The following SETDB1 variants were observed in gnomAD, a reference collection of about 807,000 sequenced individuals.
SETDB1 encodes histone-lysine N-methyltransferase SETDB1.
A neutral mutation model predicts 137.4 loss-of-function variants in SETDB1; 31 were observed. That is an observed-to-expected ratio of 0.23 (90% CI 0.17 to 0.30). The LOEUF (loss-of-function observed/expected upper bound fraction) is 0.30. SETDB1 is among the 10% of genes least tolerant of loss of function. The pLI, the probability that SETDB1 is intolerant of heterozygous loss-of-function variation, is 1.00. For synonymous variants in SETDB1, 548 were observed against 579.9 expected (o/e 0.95, Z 0.79); for missense variants, 1,113 against 1,631.5 (o/e 0.68, Z 5.47).
rs587755642 is a variant in SETDB1, at chr1:150,939,876, T to G, written c.413-64T>G. ...ATAATGCTTTTGAGTAAGTTAGTTC[T>G]TAATTTCCCAGAAGTTCCTCTGTGT... On this transcript the variant is annotated intron_variant, in intron 3 of 21. Coordinates refer to ENST00000692827, the MANE Select transcript of SETDB1 (RefSeq NM_001366418.1). 9 of 1,240,142 alleles carry G rather than the reference T, an allele frequency of 7.3e-6. No individual in the cohort carries two copies. In the East Asian group the frequency reaches 2.1e-4, roughly 29 times the overall value. 76.8% of individuals were successfully genotyped at this position (1,240,142 alleles called of 1,614,324 possible).
chr1:150,948,563 G>C (rs587601894), intron 10 of SETDB1, among the ~76,000 whole-genome samples: 1 of 152,036 alleles, frequency 6.6e-6, no homozygotes, highest in Non-Finnish European at 1.5e-5. Flanking sequence ...GAGCCACCGC[G>C]CCTGGCCGTT....
At chr1:150,945,142 G>T (rs1300842223) in intron 9 of SETDB1, 34 bp downstream of exon 9, 2 of 1,613,316 alleles carry the variant, frequency 1.2e-6, no homozygotes, top group African/African-American at 2.7e-5. Flanking sequence ...GGAGGCAGAG[G>T]TTGGTGGGGG....
chr1:150,930,228 T>C, intron 3 of SETDB1, 110 bp downstream of exon 3: 2 of 942,920 alleles, frequency 2.1e-6, no homozygotes, highest in East Asian at 2.5e-5. Flanking sequence ...ACTAACTCCA[T>C]ATTTCTAACT....
intron 14 of SETDB1, among the ~76,000 whole-genome samples, chr1:150,955,149 G>T (rs973682255): frequency 6.6e-6 from 1 of 152,228 alleles, no homozygotes; most frequent in East Asian, 1.9e-4. Context: ...TTGCATTGCT[G>T]TATCATGTAT....
chr1:150,949,654 G>A (rs1670439990), intron 12 of SETDB1, 129 bp downstream of exon 12: 1 of 731,418 alleles, frequency 1.4e-6, no homozygotes, highest in Non-Finnish European at 2.2e-6. Flanking sequence ...ACTTGAAAAG[G>A]AAGCTTTACC....
At chr1:150,930,694 C>T (rs1409386057) in intron 3 of SETDB1, among the ~76,000 whole-genome samples, 2 of 151,738 alleles carry the variant, frequency 1.3e-5, no homozygotes, top group Admixed American at 6.6e-5. Flanking sequence ...CCCACCACCA[C>T]ACCCAGCTAA....
At chr1:150,926,329 T>C (rs1669510758), upstream of SETDB1, 2 of 191,044 alleles carry the variant, frequency 1.0e-5, no homozygotes, top group South Asian at 8.1e-5. Flanking sequence ...ACCGTCGCGG[T>C]GACCGGAACG....
chr1:150,937,454 T>C (rs1669980356), intron 3 of SETDB1, among the ~76,000 whole-genome samples: 1 of 152,112 alleles, frequency 6.6e-6, no homozygotes, highest in South Asian at 2.1e-4. Flanking sequence ...CACTGAATTG[T>C]ACACTTAAAA....
Position 150,941,340 on chromosome 1 carries a change from T to C in SETDB1, c.459T>C (p.Ala153=). ...RTPKDQKLRE[A]MAALRKSAQD... ...CCCCTTTTCTACAGCTCCGTGAAGC[T>C]ATGGCTGCCTTAAGAAAGTCAGCTC... is the stretch of plus-strand genomic sequence containing the variant. The change falls in exon 5 of 22, where the codon GCT becomes GCC. Residue 153 remains alanine, a synonymous_variant. Transcript: ENST00000692827. The C allele has an allele frequency of 1.2e-6, 2 of 1,611,154 alleles. No homozygotes were observed. The highest frequency in any genetic ancestry group is 1.7e-6 in the Non-Finnish European group (2 of 1,177,348).
chr1:150,949,555 G>T, intron 12 of SETDB1, 30 bp downstream of exon 12: 1 of 1,606,378 alleles, frequency 6.2e-7, no homozygotes, highest in Non-Finnish European at 8.5e-7. Context: ...TCTGTAGGCA[G>T]GATAGCAATG....
chr1:150,936,866 T>G lies in SETDB1; in HGVS notation c.413-3074T>G, dbSNP rs1669960632. Among the ~76,000 whole-genome samples the G allele has an allele frequency of 2.0e-5, 3 of 152,112 alleles. No homozygotes were observed. In the South Asian group the frequency reaches 6.2e-4, roughly 32 times the overall value. On this transcript the variant is annotated intron_variant, in intron 3 of 21. Transcript: ENST00000692827. Reference sequence around the variant, plus strand: ...TAGGTTGCTCACAGTGGCTCACACCTGTAATCTCAGCACTTTGGGAGGCCG... The same window carrying G: ...TAGGTTGCTCACAGTGGCTCACACCGGTAATCTCAGCACTTTGGGAGGCCG...
At chr1:150,962,258 T>G in intron 17 of SETDB1, 100 bp downstream of exon 17, 1 of 1,070,682 alleles carries the variant, frequency 9.3e-7, no homozygotes, top group Admixed American at 1.7e-5. Context: ...AACCTCCCCC[T>G]CCCAGGCTCA....
intron 14 of SETDB1, among the ~76,000 whole-genome samples, chr1:150,958,045 G>T (rs905651328): frequency 6.6e-6 from 1 of 151,934 alleles, no homozygotes; most frequent in African/African-American, 2.4e-5. Context: ...AATTAGCAAG[G>T]CACGGTGGCG....
chr1:150,953,769 C>T (rs1231525346), intron 14 of SETDB1, among the ~76,000 whole-genome samples: 1 of 151,766 alleles, frequency 6.6e-6, no homozygotes, highest in Non-Finnish European at 1.5e-5. Context: ...GCAGAGATTA[C>T]AGTAAGCTGA....
At position 150,964,677 on chromosome 1, in the gene SETDB1, T is replaced by A; in HGVS notation, c.*313T>A. ...CTTTGTTCTTAGAATGGAGCCTGTG[T>A]ATCTACTATCTCCAGTTTGTATTAT... On this transcript the variant is annotated 3_prime_UTR_variant, in exon 22 of 22. Coordinates refer to ENST00000692827, the MANE Select transcript of SETDB1 (RefSeq NM_001366418.1). 1.7e-6 allele frequency: 1 copy of A among 598,258 alleles called. No individual in the cohort carries two copies. The highest frequency in any genetic ancestry group is 3.0e-6 in the Non-Finnish European group (1 of 336,076). 37.1% of individuals were successfully genotyped at this position (598,258 alleles called of 1,614,324 possible).
chr1:150,928,368 G>A (rs587760310), intron 2 of SETDB1: 149 of 198,064 alleles, frequency 7.5e-4, no homozygotes, highest in African/African-American at 3.2e-3. Flanking sequence ...ACAATCAGCC[G>A]TAAATATAAT....
intron 19 of SETDB1, 105 bp from the exon 20 acceptor site, chr1:150,963,425 T>G: frequency 9.7e-7 from 1 of 1,026,750 alleles, no homozygotes; most frequent in Non-Finnish European, 1.5e-6. Flanking sequence ...TTGGTGTTTC[T>G]CAGCTGCAAT....
At position 150,933,398 on chromosome 1, in the gene SETDB1, C is replaced by T. The variant is rs1407768460; in HGVS notation, c.412+3280C>T. On this transcript the variant is annotated intron_variant, in intron 3 of 21. Coordinates refer to ENST00000692827, the MANE Select transcript of SETDB1 (RefSeq NM_001366418.1). ...TTTTTTTTTTTTTGAGACAGTCTTG[C>T]TCCATTGCCCTGGCTGAAGTGCAGT... 3.7e-5 allele frequency among the ~76,000 whole-genome samples: 4 copies of T among 107,896 alleles called. No homozygotes were observed. In the East Asian group the frequency reaches 1.2e-3, roughly 31 times the overall value. 70.8% of individuals were successfully genotyped at this position (107,896 alleles called of 152,430 possible).
rs374865769 is a variant in SETDB1 at position 150,962,611 on chromosome 1, C to T, written c.3186C>T (p.Tyr1062=). 23 of 1,613,842 alleles carry T rather than the reference C, an allele frequency of 1.4e-5. No homozygotes were observed. Among genetic ancestry groups the T allele is most frequent in the African/African-American group, 9.3e-5 (7 of 74,920 alleles). The change falls in exon 18 of 22, where the codon TAC becomes TAT. Residue 1062 remains tyrosine (Y), a synonymous_variant. Transcript: ENST00000692827. ...GAGTTACTGAAAGCTCTCGAAATTA[C>T]GGTTACAATCCTTCTCCTGTGAAGC... ...MSVVTESSRN[Y]GYNPSPVKPE...
Sources: allele counts gnomAD v4.1 joint callset (sites outside exome capture counted in the v4.1 genomes callset), GRCh38; gene constraint gnomAD v4.1.1; transcripts MANE v1.5; gene names NCBI Gene and HGNC (gene_info 2026-07-23, HGNC 2026-07-21).